The following PDZD9 variants were observed in gnomAD, a reference collection of about 807,000 sequenced individuals.
The protein encoded by PDZD9 is PDZ domain containing 9, also known as PDZ domain-containing protein 9.
Under a neutral mutation model 16.3 loss-of-function variants are expected in PDZD9, and 13 were observed. The ratio of observed to expected loss-of-function variants is 0.80; its 90% CI spans 0.52 to 1.27. PDZD9 has a LOEUF of 1.27. Among genes scored for constraint, PDZD9 ranks in the 50% most tolerant of loss-of-function variants. The pLI is 0.00. For synonymous variants in PDZD9, 120 were observed against 111.0 expected (o/e 1.08, Z -0.51); for missense variants, 288 against 310.9 (o/e 0.93, Z 0.55).
At chr16:21,961,351 G>C in the PDZD9 span, 1 of 446,384 alleles carries the variant, frequency 2.2e-6, no homozygotes, top group Non-Finnish European at 4.5e-6. Context: ...GTATGACAGA[G>C]TCATGATGAG....
chr16:21,962,774 GAGTTCCTGCTC>G, the PDZD9 span: 1 of 1,614,020 alleles, frequency 6.2e-7, no homozygotes, highest in South Asian at 1.1e-5. Flanking sequence ...TATTCTAATG[GAGTTCCTGCTC>G]AATGTCACCA....
rs1407133828 is a variant in PDZD9 at position 21,999,403 on chromosome 16, G to A, written c.31+1614C>T. The A allele has an allele frequency of 1.8e-5, 3 of 169,798 alleles. No homozygotes were observed. In the East Asian group the frequency reaches 4.7e-4, roughly 26 times the overall value. 10.5% of individuals were successfully genotyped at this position (169,798 alleles called of 1,614,324 possible). ...AACCAGGTGGAGGAGGCAGCACTAT[G>A]GTCCTCGGAGAGCCAGACCCCAAGC... On this transcript the variant is annotated intron_variant, in intron 1 of 3. Transcript: ENST00000424898.
At chr16:21,974,056 A>G in the PDZD9 span, 9 of 1,346,022 alleles carry the variant, frequency 6.7e-6, no homozygotes, top group Non-Finnish European at 8.3e-6. Context: ...CGGTTAAAAT[A>G]TGGAATGTTT....
intron 1 of PDZD9, 105 bp from the exon 2 acceptor site, chr16:21,996,606 T>C (rs1197423828): frequency 1.9e-6 from 2 of 1,077,222 alleles, no homozygotes; most frequent in Admixed American, 2.8e-5. Flanking sequence ...ATTTAATCCC[T>C]GTTCCTCAGA....
the PDZD9 span, among the ~76,000 whole-genome samples, chr16:21,968,140 T>A: frequency 1.3e-5 from 2 of 152,012 alleles, no homozygotes; most frequent in Non-Finnish European, 2.9e-5. Context: ...TAGCTGGGAT[T>A]ACAGGCGTGC....
At chr16:21,996,210 G>T in intron 2 of PDZD9, 112 bp downstream of exon 2, 1 of 1,260,888 alleles carries the variant, frequency 7.9e-7, no homozygotes, top group Non-Finnish European at 1.1e-6. Flanking sequence ...ACAGGCATGA[G>T]CCAGCATGCC....
At chr16:21,959,773 C>T in the PDZD9 span, 2 of 152,176 alleles carry the variant, frequency 1.3e-5, no homozygotes, top group African/African-American at 4.8e-5. Context: ...AAAAATTACT[C>T]CTTGATCCAT....
At chr16:21,996,766 T>C (rs765776124) in intron 1 of PDZD9, among the ~76,000 whole-genome samples, 1 of 152,246 alleles carries the variant, frequency 6.6e-6, no homozygotes, top group Non-Finnish European at 1.5e-5. Context: ...TTAACAAATA[T>C]TTATTGATAC....
the PDZD9 span, chr16:21,958,602 T>G: frequency 6.2e-7 from 1 of 1,610,736 alleles, no homozygotes. Flanking sequence ...AAATTAAGGT[T>G]TGTTAAATAA....
chr16:21,977,548 T>G, the PDZD9 span, among the ~76,000 whole-genome samples: 3 of 152,212 alleles, frequency 2.0e-5, no homozygotes, highest in Non-Finnish European at 4.4e-5. Flanking sequence ...TGGCAATTTA[T>G]AAATCCCCAC....
chr16:21,988,859 T>C, intron 2 of PDZD9, 68 bp from the exon 3 acceptor site: 2 of 1,317,072 alleles, frequency 1.5e-6, no homozygotes, highest in Non-Finnish European at 1.0e-6. Context: ...ATTTCTGGCT[T>C]TATTGTGAGG....
At chr16:21,992,185 C>T (rs1002373759) in intron 2 of PDZD9, among the ~76,000 whole-genome samples, 5 of 152,002 alleles carry the variant, frequency 3.3e-5, no homozygotes, top group Non-Finnish European at 5.9e-5. Context: ...GCTATGATTG[C>T]GCCACTGCAC....
At chr16:21,997,583 C>T (rs1335340151) in intron 1 of PDZD9, among the ~76,000 whole-genome samples, 1 of 152,056 alleles carries the variant, frequency 6.6e-6, no homozygotes, top group African/African-American at 2.4e-5. Flanking sequence ...GCAGTGACAG[C>T]GGAAATGAGC....
chr16:21,963,230 C>T, the PDZD9 span: 1 of 170,076 alleles, frequency 5.9e-6, no homozygotes, highest in African/African-American at 2.4e-5. Context: ...TTCCTGGCCT[C>T]AAGTGATCCA....
downstream of PDZD9, chr16:21,983,711 C>T (rs182711329): frequency 5.8e-4 from 89 of 154,124 alleles, no homozygotes; most frequent in Non-Finnish European, 9.9e-4. Context: ...TCTTCATTGA[C>T]AGAGTTTTGT....
At chr16:21,998,245 G>C (rs1899198452) in intron 1 of PDZD9, 1 of 172,612 alleles carries the variant, frequency 5.8e-6, no homozygotes, top group African/African-American at 2.4e-5. Flanking sequence ...GCTACCAGGA[G>C]CCCACTTTTA....
chr16:21,972,041 TG>T, the PDZD9 span: 1 of 1,614,190 alleles, frequency 6.2e-7, no homozygotes, highest in Non-Finnish European at 8.5e-7. Context: ...TCCTCGGTGC[TG>T]GGCCACATGT....
In PDZD9 at chr16:22,001,078, C is replaced by A; in HGVS notation, c.-31G>T. ...CGGGAGGTCAGGCAGCCCGGGAGGGCCTCCCGGAGCAGAGGCTGGAGTCAG... is the reference window on the plus strand; with the variant it reads ...CGGGAGGTCAGGCAGCCCGGGAGGGACTCCCGGAGCAGAGGCTGGAGTCAG... On this transcript the variant is annotated 5_prime_UTR_variant, in exon 1 of 4. Coordinates refer to ENST00000424898, the MANE Select transcript of PDZD9 (RefSeq NM_001363519.1). 1 of 1,508,032 alleles carries A rather than the reference C, an allele frequency of 6.6e-7. No individual in the cohort carries two copies. The highest frequency in any genetic ancestry group is 1.2e-5 in the South Asian group (1 of 80,400). The allele number at this position is 1,508,032 out of a possible 1,614,324, so 93.4% of individuals were successfully genotyped here. A position where few individuals can be genotyped will look rare whatever the true frequency, so the allele number is the denominator to read the frequency against.
chr16:21,973,475 C>G, the PDZD9 span, among the ~76,000 whole-genome samples: 1 of 152,098 alleles, frequency 6.6e-6, no homozygotes, highest in Non-Finnish European at 1.5e-5. Context: ...TTTTCTCTAA[C>G]TTTCTGACAT....
Sources: allele counts gnomAD v4.1 joint callset (sites outside exome capture counted in the v4.1 genomes callset), GRCh38; gene constraint gnomAD v4.1.1; transcripts MANE v1.5; gene names NCBI Gene and HGNC (gene_info 2026-07-23, HGNC 2026-07-21).